The following SLC35D4 variants were observed in gnomAD, a reference collection of about 807,000 sequenced individuals.
SLC35D4 encodes the protein solute carrier family 35 member D4, also known as UDP-N-acetylglucosamine transporter SLC35D4.
the SLC35D4 span, among the ~76,000 whole-genome samples, chr18:23,418,352 T>TA: frequency 7.5e-5 from 10 of 133,930 alleles, no homozygotes; most frequent in African/African-American, 3.1e-4. Context: ...AAGCCAAAAT[T>TA]ATTATTATTA....
chr18:23,248,512 CTTTTTTTTTTTTTTT>C, the SLC35D4 span, among the ~76,000 whole-genome samples: 1 of 90,714 alleles, frequency 1.1e-5, no homozygotes, highest in African/African-American at 4.3e-5. Context: ...GACCCTATGT[CTTTTTTTTTTTTTTT>C]TTTTTTTTTT....
At chr18:23,249,886 G>A in the SLC35D4 span, among the ~76,000 whole-genome samples, 1 of 152,228 alleles carries the variant, frequency 6.6e-6, no homozygotes, top group Non-Finnish European at 1.5e-5. Flanking sequence ...AGTGCATGGG[G>A]CACGAGCTGG....
chr18:23,281,901 A>C, the SLC35D4 span, among the ~76,000 whole-genome samples: 1 of 152,234 alleles, frequency 6.6e-6, no homozygotes, highest in Non-Finnish European at 1.5e-5. Flanking sequence ...GTGGGCATCC[A>C]ATCTGTATCT....
chr18:23,358,354 G>A, the SLC35D4 span, among the ~76,000 whole-genome samples: 1 of 152,106 alleles, frequency 6.6e-6, no homozygotes, highest in Non-Finnish European at 1.5e-5. Flanking sequence ...GGGACTCATG[G>A]CGCGTGGCAG....
chr18:23,416,268 G>C, the SLC35D4 span, among the ~76,000 whole-genome samples: 1 of 152,092 alleles, frequency 6.6e-6, no homozygotes, highest in African/African-American at 2.4e-5. Flanking sequence ...AGGTTAGAAG[G>C]GCAATCTAAA....
the SLC35D4 span, chr18:23,309,759 T>G: frequency 3.1e-6 from 5 of 1,613,042 alleles, no homozygotes; most frequent in Admixed American, 6.7e-5. Context: ...AGAAATAATT[T>G]CAACACAAGG....
chr18:23,288,941 A>C, the SLC35D4 span, among the ~76,000 whole-genome samples: 1 of 152,180 alleles, frequency 6.6e-6, no homozygotes, highest in Non-Finnish European at 1.5e-5. Flanking sequence ...TAGTTTTACC[A>C]CTTTCCCTTC....
the SLC35D4 span, among the ~76,000 whole-genome samples, chr18:23,275,623 T>TGCTGTGCC: frequency 1.5e-5 from 2 of 137,878 alleles, no homozygotes; most frequent in African/African-American, 6.0e-5. Flanking sequence ...TGTGCTGTGC[T>TGCTGTGCC]GTGCTGTGCT....
chr18:23,290,337 G>C, the SLC35D4 span, among the ~76,000 whole-genome samples: 2 of 152,228 alleles, frequency 1.3e-5, no homozygotes, highest in African/African-American at 4.8e-5. Context: ...TGGCCTCCCA[G>C]AACCAGCTGC....
chr18:23,289,968 G>T, the SLC35D4 span, among the ~76,000 whole-genome samples: 2 of 151,966 alleles, frequency 1.3e-5, no homozygotes. Context: ...GACTCAGCCC[G>T]CCTGCACCCA....
chr18:23,253,218 C>A, the SLC35D4 span: 1 of 599,474 alleles, frequency 1.7e-6, no homozygotes, highest in Middle Eastern at 4.5e-4. Flanking sequence ...CATGGTGGCT[C>A]ACACCTGTAA....
chr18:23,367,951 T>C, the SLC35D4 span, among the ~76,000 whole-genome samples: 10 of 152,054 alleles, frequency 6.6e-5, no homozygotes, highest in Admixed American at 5.2e-4. Flanking sequence ...ATTCTACTAA[T>C]ATAAAAAGGG....
At chr18:23,423,191 G>C in the SLC35D4 span, among the ~76,000 whole-genome samples, 1 of 152,188 alleles carries the variant, frequency 6.6e-6, no homozygotes, top group Non-Finnish European at 1.5e-5. Flanking sequence ...TAGGAGTCTG[G>C]TTGTGCCATC....
chr18:23,363,097 T>G, the SLC35D4 span, among the ~76,000 whole-genome samples: 2 of 151,430 alleles, frequency 1.3e-5, no homozygotes, highest in African/African-American at 4.9e-5. Context: ...ATACAAAAAT[T>G]AGCTGGGCAT....
At chr18:23,418,353 ATT>A in the SLC35D4 span, among the ~76,000 whole-genome samples, 3 of 133,238 alleles carry the variant, frequency 2.3e-5, no homozygotes, top group African/African-American at 1.0e-4. Context: ...AGCCAAAATT[ATT>A]ATTATTATTA....
the SLC35D4 span, among the ~76,000 whole-genome samples, chr18:23,244,515 C>T: frequency 2.0e-5 from 3 of 152,234 alleles, no homozygotes; most frequent in South Asian, 6.2e-4. Flanking sequence ...GGATTAAATG[C>T]CTAGAACAGC....
At chr18:23,334,644 C>T in the SLC35D4 span, among the ~76,000 whole-genome samples, 3 of 152,098 alleles carry the variant, frequency 2.0e-5, no homozygotes, top group Non-Finnish European at 4.4e-5. Context: ...CAAAACAACA[C>T]CAAACATCTT....
the SLC35D4 span, chr18:23,253,878 T>C: frequency 6.2e-7 from 1 of 1,614,234 alleles, no homozygotes; most frequent in Non-Finnish European, 8.5e-7. Context: ...GCATGTGTGC[T>C]GTTAGCAGCC....
the SLC35D4 span, among the ~76,000 whole-genome samples, chr18:23,383,251 T>G: frequency 1.1e-4 from 16 of 151,770 alleles, no homozygotes; most frequent in Non-Finnish European, 1.9e-4. Flanking sequence ...GATGAGATTT[T>G]CCAGAAAGTA....
Sources: allele counts gnomAD v4.1 joint callset (sites outside exome capture counted in the v4.1 genomes callset), GRCh38; gene constraint gnomAD v4.1.1; transcripts MANE v1.5; gene names NCBI Gene and HGNC (gene_info 2026-07-23, HGNC 2026-07-21).